Variants in TMT1B observed in about 807,000 individuals in gnomAD.
The protein encoded by TMT1B is thiol methyltransferase 1B.
chr12:55,682,536 T>C, the TMT1B span, among the ~76,000 whole-genome samples: 1 of 140,928 alleles, frequency 7.1e-6, no homozygotes, highest in African/African-American at 2.7e-5. Flanking sequence ...CTTGGGAGGC[T>C]GAAGCAGAAG....
chr12:55,682,451 A>G, the TMT1B span, among the ~76,000 whole-genome samples: 1 of 152,042 alleles, frequency 6.6e-6, no homozygotes, highest in Non-Finnish European at 1.5e-5. Flanking sequence ...CAACAGGAGG[A>G]TCACCTACCA....
the TMT1B span, chr12:55,684,014 G>A: frequency 6.2e-7 from 1 of 1,613,720 alleles, no homozygotes. Flanking sequence ...GTGGCTACCT[G>A]TTGGGCCCCA....
At chr12:55,683,126 G>A in the TMT1B span, among the ~76,000 whole-genome samples, 3 of 152,194 alleles carry the variant, frequency 2.0e-5, no homozygotes, top group Admixed American at 2.0e-4. Context: ...TCCCTGGGAT[G>A]TTCACAGCGA....
At chr12:55,684,001 G>A in the TMT1B span, 13 of 1,613,708 alleles carry the variant, frequency 8.1e-6, no homozygotes, top group African/African-American at 1.7e-4. Flanking sequence ...CCCCTCCCTT[G>A]AAGTGGCTAC....
the TMT1B span, chr12:55,682,002 C>T: frequency 8.7e-6 from 14 of 1,614,100 alleles, no homozygotes; most frequent in East Asian, 1.3e-4. Flanking sequence ...GGAACCGGAG[C>T]CAACTTTCAG....
chr12:55,683,847 A>G, the TMT1B span: 1 of 1,614,086 alleles, frequency 6.2e-7, no homozygotes, highest in South Asian at 1.1e-5. Context: ...CATGTGGCAG[A>G]ACCATATGGA....
the TMT1B span, among the ~76,000 whole-genome samples, chr12:55,682,607 C>CAAAAAAAAA: frequency 4.8e-5 from 5 of 104,178 alleles, no homozygotes; most frequent in Non-Finnish European, 7.7e-5. Context: ...GCCGTCTCTA[C>CAAAAAAAAA]AAAAAAAAAA....
chr12:55,683,320 CCT>C, the TMT1B span, among the ~76,000 whole-genome samples: 1 of 152,062 alleles, frequency 6.6e-6, no homozygotes, highest in East Asian at 1.9e-4. Context: ...ATGGTGAAAC[CCT>C]GTCTCTACTG....
At chr12:55,682,340 A>G in the TMT1B span, 3 of 1,344,460 alleles carry the variant, frequency 2.2e-6, no homozygotes, top group Non-Finnish European at 2.0e-6. Context: ...GGGGCGTCTG[A>G]GGTAGTAAGT....
chr12:55,682,070 T>C, the TMT1B span: 1 of 1,614,068 alleles, frequency 6.2e-7, no homozygotes, highest in African/African-American at 1.3e-5. Context: ...CTTTGAGAAG[T>C]TCCTGACAAA....
At chr12:55,683,977 A>C in the TMT1B span, 2 of 1,614,056 alleles carry the variant, frequency 1.2e-6, no homozygotes, top group Non-Finnish European at 1.7e-6. Flanking sequence ...CCGAAATCCA[A>C]ATGGAACGAC....
chr12:55,683,782 CAA>C, the TMT1B span: 1 of 1,604,104 alleles, frequency 6.2e-7, no homozygotes, highest in South Asian at 1.1e-5. Context: ...AGAATGGAGC[CAA>C]GTGACACTAA....
the TMT1B span, chr12:55,683,891 C>T: frequency 1.2e-6 from 2 of 1,614,090 alleles, no homozygotes; most frequent in Non-Finnish European, 1.7e-6. Context: ...AGTTTTCGAG[C>T]CCACCTGGAA....
chr12:55,683,745 T>C, the TMT1B span: 6 of 1,490,018 alleles, frequency 4.0e-6, no homozygotes, highest in Non-Finnish European at 4.7e-6. Flanking sequence ...TTTGACTGTC[T>C]TGATCAGCGC....
chr12:55,684,008 C>T, the TMT1B span: 4 of 1,613,790 alleles, frequency 2.5e-6, no homozygotes, highest in South Asian at 4.4e-5. Context: ...CTTGAAGTGG[C>T]TACCTGTTGG....
chr12:55,683,631 T>C, the TMT1B span, among the ~76,000 whole-genome samples: 2 of 152,158 alleles, frequency 1.3e-5, no homozygotes, highest in Non-Finnish European at 2.9e-5. Context: ...ATGAGGTTCT[T>C]CACATGCACT....
chr12:55,684,025 C>T, the TMT1B span: 95 of 1,613,434 alleles, frequency 5.9e-5, no homozygotes, highest in Non-Finnish European at 7.9e-5. Context: ...TTGGGCCCCA[C>T]ATCATGGGAA....
At chr12:55,682,218 A>C in the TMT1B span, 1 of 1,613,586 alleles carries the variant, frequency 6.2e-7, no homozygotes, top group Non-Finnish European at 8.5e-7. Flanking sequence ...AGCCCAAGGA[A>C]GGTCCTGCAG....
the TMT1B span, chr12:55,681,953 G>A: frequency 2.1e-5 from 34 of 1,614,082 alleles, no homozygotes; most frequent in Middle Eastern, 1.6e-4. Context: ...GGGGCTTACA[G>A]GAGCCTCCGG....
Sources: allele counts gnomAD v4.1 joint callset (sites outside exome capture counted in the v4.1 genomes callset), GRCh38; gene constraint gnomAD v4.1.1; transcripts MANE v1.5; gene names NCBI Gene and HGNC (gene_info 2026-07-23, HGNC 2026-07-21).